AKT3: variants seen among roughly 807,000 people sequenced by gnomAD.
AKT3 encodes AKT serine/threonine kinase 3.
AKT3 carries 15 observed loss-of-function variants against 65.3 expected under a neutral mutation model. That is an observed-to-expected ratio of 0.23 (90% CI 0.15 to 0.35). The LOEUF (loss-of-function observed/expected upper bound fraction) is 0.35. Ranked by LOEUF, AKT3 falls within the 10% of genes least tolerant of loss-of-function variation. The pLI is 1.00. For missense variants in AKT3, 243 were observed against 576.5 expected (o/e 0.42, Z 5.92); for synonymous variants, 206 against 183.8 (o/e 1.12, Z -0.98).
intron 2 of AKT3, among the ~76,000 whole-genome samples, chr1:243,707,395 C>T (rs1256026020): frequency 2.0e-5 from 3 of 152,058 alleles, no homozygotes; most frequent in African/African-American, 4.8e-5. Flanking sequence ...AACTGAGTGT[C>T]GCTTATGTTT....
rs1669287435 is a variant in AKT3 at position 243,501,414 on chromosome 1, G to A, written c.*3835C>T. 1 of 233,244 alleles carries A rather than the reference G, an allele frequency of 4.3e-6. No homozygotes were observed. The highest frequency in any genetic ancestry group is 5.6e-5 in the Admixed American group (1 of 17,804). The allele number at this position is 233,244 out of a possible 1,614,324, so 14.4% of individuals were successfully genotyped here. On this transcript the variant is annotated 3_prime_UTR_variant, in exon 14 of 14. Coordinates refer to ENST00000673466, the MANE Select transcript of AKT3 (RefSeq NM_005465.7). ...CCTTCAGATTCTGGGTCCAAACCGT[G>A]TGTTGTATAGATGATTCGGGTCTGA... is the stretch of plus-strand genomic sequence containing the variant.
chr1:243,805,312 C>A lies in AKT3; in HGVS notation c.46+37813G>T, dbSNP rs180984769. 9.2e-5 allele frequency among the ~76,000 whole-genome samples: 14 copies of A among 152,234 alleles called. No individual in the cohort carries two copies. The East Asian group carries it at 1.9e-3, about 21-fold the overall frequency. On this transcript the variant is annotated intron_variant, in intron 2 of 13. Coordinates refer to ENST00000673466, the MANE Select transcript of AKT3 (RefSeq NM_005465.7). Reference sequence around the variant, plus strand: ...AAAGATTAACCCCATCACCTATGTTCTCATCTCCTCCCAACCTTCACTCCA... The same window carrying A: ...AAAGATTAACCCCATCACCTATGTTATCATCTCCTCCCAACCTTCACTCCA...
chr1:243,592,920 A>T (rs1439671243), intron 8 of AKT3, among the ~76,000 whole-genome samples: 2 of 152,262 alleles, frequency 1.3e-5, no homozygotes, highest in African/African-American at 4.8e-5. Flanking sequence ...TAACAACAGT[A>T]CAAAGGCTTG....
At chr1:243,605,139 C>T (rs556412783) in intron 8 of AKT3, among the ~76,000 whole-genome samples, 1 of 152,294 alleles carries the variant, frequency 6.6e-6, no homozygotes, top group African/African-American at 2.4e-5. Flanking sequence ...AACTTCCCAC[C>T]TCAGCTTTCC....
chr1:243,608,944 G>C (rs1251901349), intron 8 of AKT3, among the ~76,000 whole-genome samples: 1 of 151,250 alleles, frequency 6.6e-6, no homozygotes, highest in Non-Finnish European at 1.5e-5. Flanking sequence ...AGTAGAGATG[G>C]GGTTTCATCA....
At chr1:243,785,315 C>T (rs568075933) in intron 2 of AKT3, among the ~76,000 whole-genome samples, 10 of 151,488 alleles carry the variant, frequency 6.6e-5, no homozygotes, top group African/African-American at 2.4e-4. Flanking sequence ...CCTGACCTTG[C>T]GATCTGCCCG....
chr1:243,653,457 A>G (rs1045441622), intron 4 of AKT3, among the ~76,000 whole-genome samples: 6 of 152,320 alleles, frequency 3.9e-5, no homozygotes, highest in Admixed American at 2.0e-4. Context: ...AACTATTCCA[A>G]ACAATAGAAA....
At chr1:243,555,998 T>C (rs1298489185) in intron 10 of AKT3, among the ~76,000 whole-genome samples, 1 of 151,892 alleles carries the variant, frequency 6.6e-6, no homozygotes, top group Non-Finnish European at 1.5e-5. Flanking sequence ...CAAACAGAGA[T>C]GAAAGAGGAG....
At chr1:243,662,369 T>C (rs1226368679) in intron 4 of AKT3, among the ~76,000 whole-genome samples, 1 of 151,966 alleles carries the variant, frequency 6.6e-6, no homozygotes, top group African/African-American at 2.4e-5. Flanking sequence ...TGGAATACTA[T>C]GCAGCCATAA....
chr1:243,575,461 A>G (rs1674869896), intron 8 of AKT3, among the ~76,000 whole-genome samples: 1 of 152,162 alleles, frequency 6.6e-6, no homozygotes, highest in Non-Finnish European at 1.5e-5. Flanking sequence ...CAAACCCATC[A>G]AGTTGTTCCG....
chr1:243,843,353 A>C, intron 1 of AKT3, 71 bp from the exon 2 acceptor site: 1 of 1,305,534 alleles, frequency 7.7e-7, no homozygotes, highest in Non-Finnish European at 9.8e-7. Context: ...CAAACAACTA[A>C]TTCTTTGTAA....
intron 2 of AKT3, among the ~76,000 whole-genome samples, chr1:243,800,749 T>C (rs1034109086): frequency 2.7e-5 from 4 of 150,130 alleles, no homozygotes; most frequent in Admixed American, 6.6e-5. Flanking sequence ...TTATGTATAA[T>C]AATCACACTG....
chr1:243,758,095 T>C (rs1689253417), intron 2 of AKT3, among the ~76,000 whole-genome samples: 1 of 152,214 alleles, frequency 6.6e-6, no homozygotes, highest in Non-Finnish European at 1.5e-5. Context: ...TTAAATAGGT[T>C]ATGGTAATAA....
chr1:243,533,024 T>C (rs919326881), intron 12 of AKT3, among the ~76,000 whole-genome samples: 7 of 152,210 alleles, frequency 4.6e-5, no homozygotes, highest in African/African-American at 1.7e-4. Flanking sequence ...CAGTATTTCA[T>C]TTTTCTCTTT....
intron 2 of AKT3, among the ~76,000 whole-genome samples, chr1:243,716,301 G>A (rs1435306858): frequency 1.3e-5 from 2 of 152,032 alleles, no homozygotes; most frequent in African/African-American, 2.4e-5. Context: ...ATTTACCTAC[G>A]TTGCATCTTT....
At position 243,835,695 on chromosome 1, in the gene AKT3, C is replaced by T. The variant is rs913298932; in HGVS notation, c.46+7430G>A. Among the ~76,000 whole-genome samples the T allele has an allele frequency of 5.5e-4, 83 of 152,102 alleles. 1 individual carries two copies. The highest frequency in any genetic ancestry group is 1.9e-3 in the African/African-American group (78 of 41,490). ...GTAATATAAAAGGATATTCTGTACC[C>T]TTTTCCAAGAACCTATGATTGCCCT... is the stretch of plus-strand genomic sequence containing the variant. On this transcript the variant is annotated intron_variant, in intron 2 of 13. Coordinates refer to ENST00000673466, the MANE Select transcript of AKT3 (RefSeq NM_005465.7).
chr1:243,570,044 A>C (rs1247007074), intron 9 of AKT3, among the ~76,000 whole-genome samples: 1 of 152,250 alleles, frequency 6.6e-6, no homozygotes, highest in Non-Finnish European at 1.5e-5. Flanking sequence ...GTATTGACAA[A>C]TTAAATGAAC....
chr1:243,508,629 C>T (rs1173004801), intron 13 of AKT3, among the ~76,000 whole-genome samples: 1 of 149,392 alleles, frequency 6.7e-6, no homozygotes, highest in Admixed American at 6.7e-5. Flanking sequence ...GACCACACCC[C>T]ATTTCTGACA....
chr1:243,691,521 T>C (rs1303112267), intron 3 of AKT3, among the ~76,000 whole-genome samples: 2 of 151,960 alleles, frequency 1.3e-5, no homozygotes, highest in African/African-American at 2.4e-5. Flanking sequence ...GAGGCCTCAT[T>C]CTGGGGTGAT....
Sources: allele counts gnomAD v4.1 joint callset (sites outside exome capture counted in the v4.1 genomes callset), GRCh38; gene constraint gnomAD v4.1.1; transcripts MANE v1.5; gene names NCBI Gene and HGNC (gene_info 2026-07-23, HGNC 2026-07-21).